SPAG16: variants seen among roughly 807,000 people sequenced by gnomAD.
SPAG16 encodes the protein sperm-associated antigen 16 protein.
In SPAG16, 86 loss-of-function variants were observed where a neutral mutation model predicts 80.4. That is an observed-to-expected ratio of 1.07 (90% CI 0.90 to 1.28). The LOEUF is 1.28. Ranked by LOEUF, SPAG16 falls within the 50% of genes most tolerant of loss-of-function variation. The pLI, the probability that SPAG16 is intolerant of heterozygous loss-of-function variation, is 0.00. For missense variants in SPAG16, 870 were observed against 765.3 expected, an observed-to-expected ratio of 1.14 and a Z score of -1.61; for synonymous variants, 294 against 265.9, an observed-to-expected ratio of 1.11 and a Z score of -1.03.
intron 14 of SPAG16, among the ~76,000 whole-genome samples, chr2:214,136,089 G>A (rs1043820548): frequency 1.3e-5 from 2 of 151,982 alleles, no homozygotes; most frequent in Non-Finnish European, 2.9e-5. Context: ...AGAGAGAGGG[G>A]GTAGTGCCAG....
intron 15 of SPAG16, among the ~76,000 whole-genome samples, chr2:214,366,471 A>G (rs182566497): frequency 5.9e-5 from 9 of 152,342 alleles, no homozygotes; most frequent in African/African-American, 2.2e-4. Context: ...CGATTACTCA[A>G]CGCAGTGTAA....
intron 10 of SPAG16, among the ~76,000 whole-genome samples, chr2:213,606,460 T>C (rs2061264466): frequency 6.6e-6 from 1 of 152,246 alleles, no homozygotes; most frequent in South Asian, 2.1e-4. Context: ...TTTATATTGA[T>C]ATCTCATTGT....
At chr2:214,149,696 C>A (rs1201928957) in intron 15 of SPAG16, among the ~76,000 whole-genome samples, 1 of 151,716 alleles carries the variant, frequency 6.6e-6, no homozygotes, top group East Asian at 1.9e-4. Flanking sequence ...AATGAATTAC[C>A]CCATATTGTG....
intron 10 of SPAG16, among the ~76,000 whole-genome samples, chr2:213,693,503 A>G (rs1045090401): frequency 6.6e-6 from 1 of 152,226 alleles, no homozygotes; most frequent in Non-Finnish European, 1.5e-5. Context: ...AAAGAAAACA[A>G]AACAATAATG....
chr2:213,949,042 A>G (rs1230216728), intron 12 of SPAG16, among the ~76,000 whole-genome samples: 1 of 152,090 alleles, frequency 6.6e-6, no homozygotes, highest in Non-Finnish European at 1.5e-5. Flanking sequence ...ACTTTTTGAA[A>G]CTTTCTTTTT....
intron 9 of SPAG16, among the ~76,000 whole-genome samples, chr2:213,391,472 G>C (rs1175948902): frequency 6.6e-6 from 1 of 151,982 alleles, no homozygotes. Context: ...TTAGATCCAG[G>C]TCTACCACTT....
intron 15 of SPAG16, among the ~76,000 whole-genome samples, chr2:214,178,713 A>G (rs2057212311): frequency 6.6e-6 from 1 of 151,308 alleles, no homozygotes; most frequent in Admixed American, 6.6e-5. Flanking sequence ...CAGTGTTTTG[A>G]AAAATATTAA....
At chr2:213,682,219 C>A (rs1167959782) in intron 10 of SPAG16, among the ~76,000 whole-genome samples, 2 of 152,180 alleles carry the variant, frequency 1.3e-5, no homozygotes, top group African/African-American at 4.8e-5. Flanking sequence ...TTTACACCTG[C>A]ATAGACAACT....
intron 10 of SPAG16, among the ~76,000 whole-genome samples, chr2:213,685,294 G>A (rs79334270): frequency 0.049 from 7,530 of 152,252 alleles, 594 homozygotes; most frequent in African/African-American, 0.17. Context: ...CCAATATGAC[G>A]CGTGTTCTTG....
rs35598286 is a variant in SPAG16 at position 213,991,859 on chromosome 2, GTTTA to G, written c.1401-22061_1401-22058del. Among the ~76,000 whole-genome samples, 383 of 144,982 alleles carry G rather than the reference GTTTA, an allele frequency of 2.6e-3. 2 individuals carry two copies. Among genetic ancestry groups the G allele is most frequent in the Middle Eastern group, 0.014 (4 of 284 alleles). ...CAAGGGGACATTTTGACAATTGAGAGTTTATTTATTTATTTATTTATTTATTTAT... is the reference window on the plus strand; with the variant it reads ...CAAGGGGACATTTTGACAATTGAGAGTTTATTTATTTATTTATTTATTTAT... On this transcript the variant is annotated intron_variant, in intron 12 of 15. Coordinates refer to ENST00000331683, the MANE Select transcript of SPAG16 (RefSeq NM_024532.5).
intron 11 of SPAG16, among the ~76,000 whole-genome samples, chr2:213,910,923 G>A (rs552509639): frequency 6.6e-6 from 1 of 152,272 alleles, no homozygotes; most frequent in African/African-American, 2.4e-5. Context: ...CCAAGATCAT[G>A]TGGGGACATT....
intron 9 of SPAG16, among the ~76,000 whole-genome samples, chr2:213,376,309 G>C (rs2125211764): frequency 6.6e-6 from 1 of 151,978 alleles, no homozygotes; most frequent in Non-Finnish European, 1.5e-5. Flanking sequence ...AGTGCTTACT[G>C]CTTATAAGAG....
chr2:214,090,373 T>A (rs1382791335), intron 13 of SPAG16, among the ~76,000 whole-genome samples: 1 of 151,842 alleles, frequency 6.6e-6, no homozygotes, highest in Non-Finnish European at 1.5e-5. Flanking sequence ...GCTCAACAAG[T>A]CTTTCAAAAG....
chr2:214,029,783 A>G (rs554671552), intron 13 of SPAG16, among the ~76,000 whole-genome samples: 8 of 152,256 alleles, frequency 5.3e-5, no homozygotes, highest in African/African-American at 1.9e-4. Context: ...AATAAAACGT[A>G]TGAAATTTAA....
intron 10 of SPAG16, among the ~76,000 whole-genome samples, chr2:213,560,209 G>T (rs1417422085): frequency 6.6e-6 from 1 of 152,036 alleles, no homozygotes; most frequent in Non-Finnish European, 1.5e-5. Context: ...GTGGATCTCA[G>T]CAAAATTCTA....
chr2:213,541,529 A>T (rs959304393), intron 10 of SPAG16, among the ~76,000 whole-genome samples: 3 of 152,170 alleles, frequency 2.0e-5, no homozygotes, highest in African/African-American at 7.2e-5. Context: ...CTGAGGCAAG[A>T]GGATAGCTCG....
At chr2:213,977,065 G>T (rs551571235) in intron 12 of SPAG16, among the ~76,000 whole-genome samples, 2 of 152,136 alleles carry the variant, frequency 1.3e-5, no homozygotes, top group Admixed American at 6.6e-5. Flanking sequence ...CTCTCAAAGT[G>T]ATATGCCCTC....
chr2:213,838,473 A>G lies in SPAG16; in HGVS notation c.1071-24012A>G, dbSNP rs1435924688. Reference sequence around the variant, plus strand: ...CAGGCGTGAGCCACTGCGCTGGGCCATCTCTGACTTTATATGCAGGAAAGA... The same window carrying G: ...CAGGCGTGAGCCACTGCGCTGGGCCGTCTCTGACTTTATATGCAGGAAAGA... On this transcript the variant is annotated intron_variant, in intron 10 of 15. Transcript: ENST00000331683. 2.0e-5 allele frequency among the ~76,000 whole-genome samples: 3 copies of G among 152,138 alleles called. No individual in the cohort carries two copies. The East Asian group carries it at 5.8e-4, about 29-fold the overall frequency.
At chr2:213,525,212 C>A (rs2075840952) in intron 10 of SPAG16, among the ~76,000 whole-genome samples, 1 of 151,844 alleles carries the variant, frequency 6.6e-6, no homozygotes, top group South Asian at 2.1e-4. Context: ...TTCCTTTTGA[C>A]CAGGTATGTA....
Sources: allele counts gnomAD v4.1 joint callset (sites outside exome capture counted in the v4.1 genomes callset), GRCh38; gene constraint gnomAD v4.1.1; transcripts MANE v1.5; gene names NCBI Gene and HGNC (gene_info 2026-07-23, HGNC 2026-07-21).